VEGFC: variants seen among roughly 807,000 people sequenced by gnomAD.
VEGFC encodes vascular endothelial growth factor C.
VEGFC carries 12 observed loss-of-function variants against 46.1 expected under a neutral mutation model. That is an observed-to-expected ratio of 0.26 (90% CI 0.17 to 0.42). The LOEUF is 0.42. VEGFC is among the 10% of genes least tolerant of loss of function. The pLI, the probability that VEGFC is intolerant of heterozygous loss-of-function variation, is 1.00. For missense variants in VEGFC, 488 were observed against 529.4 expected, an observed-to-expected ratio of 0.92 and a Z score of 0.77; for synonymous variants, 232 against 195.5, an observed-to-expected ratio of 1.19 and a Z score of -1.56.
chr4:176,713,820 T>C (rs956708340), intron 3 of VEGFC, among the ~76,000 whole-genome samples: 55 of 152,246 alleles, frequency 3.6e-4, no homozygotes, highest in Non-Finnish European at 2.6e-4. Flanking sequence ...GAGGGGAGAC[T>C]GTCAAGCCAA....
intron 1 of VEGFC, among the ~76,000 whole-genome samples, chr4:176,755,746 T>C (rs1344402972): frequency 6.6e-6 from 1 of 152,078 alleles, no homozygotes; most frequent in East Asian, 1.9e-4. Flanking sequence ...CATATCACTA[T>C]GAATATTCAA....
In VEGFC at chr4:176,792,149, C is replaced by T; in HGVS notation, c.147+16G>A. 1 of 1,478,914 alleles carries T rather than the reference C, an allele frequency of 6.8e-7. No homozygotes were observed. Among genetic ancestry groups the T allele is most frequent in the Non-Finnish European group, 8.9e-7 (1 of 1,117,984 alleles). The allele number at this position is 1,478,914 out of a possible 1,614,324, so 91.6% of individuals were successfully genotyped here. ...GCAAACTCTCGGGTTCTCCGCAAACCCTAACGCAGACCTACCGTGGCCTCG... is the reference window on the plus strand; with the variant it reads ...GCAAACTCTCGGGTTCTCCGCAAACTCTAACGCAGACCTACCGTGGCCTCG... On this transcript the variant is annotated intron_variant, in intron 1 of 6. Transcript: ENST00000618562. This position sits in a 1 kb window ranked among gnomAD's most constrained non-coding sequence, Gnocchi z 6.3.
At chr4:176,745,591 A>G (rs574041993) in intron 1 of VEGFC, among the ~76,000 whole-genome samples, 50 of 152,240 alleles carry the variant, frequency 3.3e-4, no homozygotes, top group African/African-American at 1.2e-3. Flanking sequence ...AGGTATTTAC[A>G]GGTTCATCTG....
chr4:176,780,811 G>A (rs1735903111), intron 1 of VEGFC, among the ~76,000 whole-genome samples: 2 of 152,128 alleles, frequency 1.3e-5, no homozygotes, highest in African/African-American at 4.8e-5. Context: ...ACTGCTCCTA[G>A]TTTTAGACAG....
At chr4:176,728,098 A>G (rs1437696584) in intron 2 of VEGFC, 130 bp from the exon 3 acceptor site, 3 of 620,162 alleles carry the variant, frequency 4.8e-6, no homozygotes, top group South Asian at 3.1e-5. Context: ...CTAAAGAGAC[A>G]GCTGATGGGA....
chr4:176,688,463 T>A (rs942585317), intron 4 of VEGFC, among the ~76,000 whole-genome samples: 5 of 152,192 alleles, frequency 3.3e-5, no homozygotes, highest in Non-Finnish European at 7.3e-5. Context: ...TACTGACTTA[T>A]TTCTGAAGCA....
chr4:176,789,772 T>A (rs1330703603), intron 1 of VEGFC, among the ~76,000 whole-genome samples: 2 of 152,148 alleles, frequency 1.3e-5, no homozygotes, highest in Non-Finnish European at 2.9e-5. Context: ...AGATCTTCAT[T>A]CTATTTGTGA....
At chr4:176,786,095 G>A (rs985940267) in intron 1 of VEGFC, among the ~76,000 whole-genome samples, 4 of 152,122 alleles carry the variant, frequency 2.6e-5, no homozygotes, top group Non-Finnish European at 5.9e-5. Context: ...GACACTTTAA[G>A]AAACCCTGCA....
intron 1 of VEGFC, among the ~76,000 whole-genome samples, chr4:176,787,483 G>C (rs955634699): frequency 7.1e-6 from 1 of 140,570 alleles, no homozygotes; most frequent in Admixed American, 7.1e-5. Context: ...AGGAAAGAAA[G>C]AAAAAGAAAA....
At chr4:176,721,878 A>T (rs1200678589) in intron 3 of VEGFC, among the ~76,000 whole-genome samples, 1 of 151,958 alleles carries the variant, frequency 6.6e-6, no homozygotes, top group Non-Finnish European at 1.5e-5. Flanking sequence ...TGGGAAAAGT[A>T]AAAAAAAGTA....
At chr4:176,739,950 TAA>T in intron 1 of VEGFC, among the ~76,000 whole-genome samples, 1 of 23,722 alleles carries the variant, frequency 4.2e-5, no homozygotes, top group East Asian at 3.0e-3. Context: ...AGAATATATA[TAA>T]CTATATATTC....
At chr4:176,769,525 C>T (rs368827096) in intron 1 of VEGFC, among the ~76,000 whole-genome samples, 7 of 152,068 alleles carry the variant, frequency 4.6e-5, no homozygotes, top group Non-Finnish European at 1.0e-4. Context: ...AATTAGCTAG[C>T]AGATATTACA....
At chr4:176,711,767 G>T in intron 3 of VEGFC, 117 bp from the exon 4 acceptor site, 1 of 963,372 alleles carries the variant, frequency 1.0e-6, no homozygotes, top group Non-Finnish European at 1.6e-6. Context: ...GCTGCCTAGT[G>T]TACGCAGGAC....
intron 1 of VEGFC, among the ~76,000 whole-genome samples, chr4:176,759,047 A>G (rs984164346): frequency 2.6e-5 from 4 of 152,190 alleles, no homozygotes; most frequent in African/African-American, 9.6e-5. Flanking sequence ...CCCATTGAAA[A>G]GACTGAGACT....
chr4:176,698,906 T>C (rs892231475), intron 4 of VEGFC, among the ~76,000 whole-genome samples: 2 of 152,182 alleles, frequency 1.3e-5, no homozygotes, highest in South Asian at 4.1e-4. Flanking sequence ...ATATTTCTAA[T>C]TGAAAAAAAT....
intron 6 of VEGFC, among the ~76,000 whole-genome samples, chr4:176,686,873 G>A (rs1218944137): frequency 1.3e-5 from 2 of 152,062 alleles, no homozygotes; most frequent in Non-Finnish European, 2.9e-5. Flanking sequence ...ATGTCTGAAG[G>A]CATCCTACTT....
intron 1 of VEGFC, among the ~76,000 whole-genome samples, chr4:176,786,329 T>G (rs1736001954): frequency 1.3e-5 from 2 of 152,264 alleles, no homozygotes; most frequent in Admixed American, 1.3e-4. Flanking sequence ...TCTTGACTTT[T>G]GCACCAAAGG....
At chr4:176,701,187 C>T (rs1734425726) in intron 4 of VEGFC, among the ~76,000 whole-genome samples, 1 of 152,168 alleles carries the variant, frequency 6.6e-6, no homozygotes, top group South Asian at 2.1e-4. Flanking sequence ...CTAGAGGAAA[C>T]TCGTGAAAGA....
At chr4:176,702,439 TC>T (rs1734450389) in intron 4 of VEGFC, among the ~76,000 whole-genome samples, 1 of 152,120 alleles carries the variant, frequency 6.6e-6, no homozygotes, top group African/African-American at 2.4e-5. Flanking sequence ...TAAAAATAAT[TC>T]AAGATTTCTT....
Sources: gnomAD v4.1 joint callset for allele counts (sites outside exome capture counted in the v4.1 genomes callset) on GRCh38, gnomAD v4.1.1 for gene constraint, Gnocchi (gnomAD v3.1) non-coding constraint, MANE v1.5 for transcripts, NCBI Gene and HGNC (gene_info 2026-07-23, HGNC 2026-07-21) for gene names.